Variants in DIP2C observed in about 807,000 individuals in gnomAD.
The protein encoded by DIP2C is DIP2 acetate--CoA ligase C (putative).
A neutral mutation model predicts 192.4 loss-of-function variants in DIP2C; 33 were observed. The ratio of observed to expected loss-of-function variants is 0.17; its 90% confidence interval spans 0.13 to 0.23. The LOEUF is 0.23. Ranked by LOEUF, DIP2C falls within the 10% of genes least tolerant of loss-of-function variation. The pLI is 1.00. For synonymous variants in DIP2C, 979 were observed against 864.1 expected, an observed-to-expected ratio of 1.13 and a Z score of -2.33; for missense variants, 1,537 against 2,110.1, an observed-to-expected ratio of 0.73 and a Z score of 5.32.
intron 1 of DIP2C, among the ~76,000 whole-genome samples, chr10:678,871 A>G (rs71494921): frequency 0.13 from 323 of 2,444 alleles, 91 homozygotes; most frequent in South Asian, 0.43. Context: ...CCCCACGCCC[A>G]TGCTCCCCGC....
At chr10:502,396 T>G (rs894471172) in intron 1 of DIP2C, among the ~76,000 whole-genome samples, 1 of 152,126 alleles carries the variant, frequency 6.6e-6, no homozygotes, top group Admixed American at 6.6e-5. Flanking sequence ...ATCTATGAAA[T>G]GCAGCCAAAA....
intron 9 of DIP2C, among the ~76,000 whole-genome samples, chr10:400,697 A>G (rs1964352604): frequency 6.6e-6 from 1 of 151,876 alleles, no homozygotes; most frequent in African/African-American, 2.4e-5. Flanking sequence ...GTTCATCAGC[A>G]CATGAATCCT....
intron 1 of DIP2C, chr10:662,029 C>G: frequency 1.4e-6 from 1 of 715,834 alleles, no homozygotes; most frequent in Non-Finnish European, 2.6e-6. Flanking sequence ...CCCGCAGGAG[C>G]CTGGCCTGTC....
intron 32 of DIP2C, among the ~76,000 whole-genome samples, chr10:291,084 G>A (rs1002714595): frequency 6.6e-6 from 1 of 152,208 alleles, no homozygotes; most frequent in Non-Finnish European, 1.5e-5. Context: ...TTTTTACCTT[G>A]GCCTGTGCCC....
At chr10:391,923 T>A (rs549682539) in intron 10 of DIP2C, among the ~76,000 whole-genome samples, 1 of 152,334 alleles carries the variant, frequency 6.6e-6, no homozygotes, top group Admixed American at 6.5e-5. Context: ...CTTAAGTGTT[T>A]AGTACTTTTC....
intron 29 of DIP2C, among the ~76,000 whole-genome samples, chr10:338,015 G>C (rs1043006725): frequency 2.0e-5 from 3 of 152,036 alleles, no homozygotes; most frequent in African/African-American, 7.3e-5. Context: ...GTGTGCTGTG[G>C]AGGCCTAGGC....
rs905908410 is a variant in DIP2C, at chr10:524,098, C to T, written c.86-37568G>A. 9.9e-3 allele frequency among the ~76,000 whole-genome samples: 27 copies of T among 2,716 alleles called. No homozygotes were observed. The Admixed American group carries it at 0.2, about 20-fold the overall frequency. The allele number at this position is 2,716 out of a possible 152,430, so 1.8% of individuals were successfully genotyped here. On this transcript the variant is annotated intron_variant, in intron 1 of 36. Transcript: ENST00000280886. ...TCACGCCCAGCCGTGACTGGAGCAC[C>T]CCTTCAGGAAGGAGTCCCTGGCTCC...
intron 1 of DIP2C, among the ~76,000 whole-genome samples, chr10:514,445 G>A (rs778583224): frequency 4.6e-5 from 7 of 152,174 alleles, no homozygotes; most frequent in African/African-American, 1.2e-4. Flanking sequence ...TTCTTTGTCC[G>A]AGGAATTTAC....
Position 580,869 on chromosome 10 carries a change from TCA to T in DIP2C, c.86-94341_86-94340del, listed in dbSNP as rs1850600743. 5.9e-5 allele frequency among the ~76,000 whole-genome samples: 9 copies of T among 152,380 alleles called. No homozygotes were observed. The South Asian group carries it at 1.9e-3, about 32-fold the overall frequency. On this transcript the variant is annotated intron_variant, in intron 1 of 36. Coordinates refer to ENST00000280886, the MANE Select transcript of DIP2C (RefSeq NM_014974.3). Reference sequence around the variant, plus strand: ...CAGAGCTCTGGCTTGACTGTGGAGTTCAGAGGTTTCCTAACATAGTACACGTC... The same window carrying T: ...CAGAGCTCTGGCTTGACTGTGGAGTTGAGGTTTCCTAACATAGTACACGTC...
At chr10:368,738 C>G (rs372543036) in intron 18 of DIP2C, among the ~76,000 whole-genome samples, 10 of 152,348 alleles carry the variant, frequency 6.6e-5, no homozygotes, top group African/African-American at 2.2e-4. Context: ...CTCGCACAGG[C>G]ATGGCTACCC....
intron 1 of DIP2C, among the ~76,000 whole-genome samples, chr10:583,316 G>T (rs767855363): frequency 6.6e-6 from 1 of 152,246 alleles, no homozygotes; most frequent in African/African-American, 2.4e-5. Context: ...GAGAATTATA[G>T]GATAGCTAGT....
intron 1 of DIP2C, among the ~76,000 whole-genome samples, chr10:568,477 T>C (rs1849571517): frequency 2.6e-5 from 4 of 151,986 alleles, no homozygotes; most frequent in Admixed American, 2.6e-4. Flanking sequence ...CGGAAAAAAC[T>C]TCACTTGAGG....
intron 2 of DIP2C, among the ~76,000 whole-genome samples, chr10:477,194 T>C (rs1392009448): frequency 7.7e-6 from 1 of 129,802 alleles, no homozygotes; most frequent in Non-Finnish European, 1.6e-5. Context: ...CAGCAAAGAA[T>C]AGACAAATGG....
At chr10:667,058 C>G (rs757468794) in intron 1 of DIP2C, 4 of 152,318 alleles carry the variant, frequency 2.6e-5, no homozygotes, top group African/African-American at 4.8e-5. Context: ...CAGGTTGTAA[C>G]TAAAAGGCAG....
intron 14 of DIP2C, 53 bp downstream of exon 14, chr10:387,692 G>A (rs988724575): frequency 3.2e-6 from 5 of 1,557,858 alleles, no homozygotes; most frequent in South Asian, 2.2e-5. Flanking sequence ...GACAGGCAGG[G>A]CAGGGTGGGG....
chr10:388,004 GA>G (rs1271957297), intron 13 of DIP2C, among the ~76,000 whole-genome samples, 195 bp from the exon 14 acceptor site: 2 of 152,194 alleles, frequency 1.3e-5, no homozygotes, highest in Admixed American at 1.3e-4. Context: ...TTTCTCGACA[GA>G]TATCCTGACA....
chr10:400,401 A>C (rs1446273457), intron 9 of DIP2C, among the ~76,000 whole-genome samples: 9 of 152,240 alleles, frequency 5.9e-5, no homozygotes, highest in African/African-American at 2.2e-4. Flanking sequence ...TAGAGTGTTA[A>C]TAGACAACCC....
chr10:673,018 G>A (rs1259955032), intron 1 of DIP2C, among the ~76,000 whole-genome samples: 1 of 152,222 alleles, frequency 6.6e-6, no homozygotes, highest in Non-Finnish European at 1.5e-5. Context: ...TCCCAGCTAA[G>A]GAAATGTGCA....
chr10:496,490 A>G (rs193135769), intron 1 of DIP2C, among the ~76,000 whole-genome samples: 63 of 148,696 alleles, frequency 4.2e-4, no homozygotes, highest in East Asian at 1.4e-3. Context: ...CACAGAACCC[A>G]CAGTGCCCTC....
Sources: allele counts gnomAD v4.1 joint callset (sites outside exome capture counted in the v4.1 genomes callset), GRCh38; gene constraint gnomAD v4.1.1; transcripts MANE v1.5; gene names NCBI Gene and HGNC (gene_info 2026-07-23, HGNC 2026-07-21).